PCDHA1: variants seen among roughly 807,000 people sequenced by gnomAD.
PCDHA1 encodes the protein protocadherin alpha 1.
A neutral mutation model predicts 61.3 loss-of-function variants in PCDHA1; 42 were observed. That is an observed-to-expected ratio of 0.69 (90% CI 0.54 to 0.89). The LOEUF (loss-of-function observed/expected upper bound fraction) is 0.89. Ranked by LOEUF, PCDHA1 falls within the 40% of genes least tolerant of loss-of-function variation. The pLI is 0.00. For synonymous variants in PCDHA1, 610 were observed against 553.8 expected, an observed-to-expected ratio of 1.10 and a Z score of -1.43; for missense variants, 1,256 against 1,235.3, an observed-to-expected ratio of 1.02 and a Z score of -0.25.
chr5:140,888,441 A>G (rs2061829051), intron 1 of PCDHA1, among the ~76,000 whole-genome samples: 1 of 152,222 alleles, frequency 6.6e-6, no homozygotes, highest in African/African-American at 2.4e-5. Context: ...CAGCCGCCCA[A>G]CAATAAAGAA....
chr5:140,801,666 G>C (rs1554121620), intron 1 of PCDHA1: 5 of 1,614,032 alleles, frequency 3.1e-6, no homozygotes, highest in Non-Finnish European at 4.2e-6. Context: ...GCTAGAGGGC[G>C]CATCAGATGC....
At chr5:140,842,541 T>A in intron 1 of PCDHA1, 1 of 1,609,746 alleles carries the variant, frequency 6.2e-7, no homozygotes. Context: ...TACTACTCGT[T>A]GGTGCTGGAC....
chr5:140,874,093 TG>T, intron 1 of PCDHA1, among the ~76,000 whole-genome samples: 2 of 152,364 alleles, frequency 1.3e-5, no homozygotes, highest in Middle Eastern at 6.8e-3. Context: ...AATTCAAATA[TG>T]TTTTTAATTA....
At chr5:140,966,808 A>G (rs782040625) in intron 1 of PCDHA1, 5 of 1,548,024 alleles carry the variant, frequency 3.2e-6, no homozygotes, top group Non-Finnish European at 4.3e-6. Context: ...CAGAGCATCC[A>G]CGGCTCCGGC....
chr5:140,999,332 T>TTATAA (rs1554256746), intron 3 of PCDHA1, among the ~76,000 whole-genome samples: 1 of 152,222 alleles, frequency 6.6e-6, no homozygotes, highest in Non-Finnish European at 1.5e-5. Flanking sequence ...TCTGTGTGAT[T>TTATAA]TATAAGCCTT....
In PCDHA1 at chr5:140,850,552, C is replaced by A. The variant is rs112046100; in HGVS notation, c.2394+61868C>A. On this transcript the variant is annotated intron_variant, in intron 1 of 3. Coordinates refer to ENST00000504120, the MANE Select transcript of PCDHA1 (RefSeq NM_018900.4). ...TCATCGTCGCGGGCGTCAGTGGGTG[C>A]CACGGGCCCCGAGGTGACGCTGGTG... is the stretch of plus-strand genomic sequence containing the variant. 1,841 of 1,598,232 alleles carry A rather than the reference C, an allele frequency of 1.2e-3. 121 individuals carry two copies. The African/African-American group carries it at 0.021, about 18-fold the overall frequency.
intron 1 of PCDHA1, chr5:140,788,886 T>C (rs1354187142): frequency 7.7e-6 from 10 of 1,295,708 alleles, no homozygotes; most frequent in Non-Finnish European, 1.0e-5. Context: ...AGGGACAAAT[T>C]GTCGTATTTC....
intron 1 of PCDHA1, among the ~76,000 whole-genome samples, chr5:140,941,259 T>TTCTTTCTTTC (rs1554214226): frequency 2.6e-4 from 32 of 121,828 alleles, no homozygotes; most frequent in African/African-American, 6.8e-4. Flanking sequence ...TTCTTTCTCT[T>TTCTTTCTTTC]TCTTTCTTTC....
At chr5:140,876,164 C>G in intron 1 of PCDHA1, 5 of 1,613,950 alleles carry the variant, frequency 3.1e-6, no homozygotes, top group Non-Finnish European at 4.2e-6. Context: ...ATTCAAATAA[C>G]CGTCCTGGAT....
chr5:140,861,234 C>T (rs868927537), intron 1 of PCDHA1: 7 of 166,456 alleles, frequency 4.2e-5, no homozygotes, highest in Middle Eastern at 2.9e-3. Context: ...ATTTTAGCTG[C>T]TAGACAAAGT....
At chr5:140,913,734 A>C (rs1408251545) in intron 1 of PCDHA1, among the ~76,000 whole-genome samples, 1 of 152,070 alleles carries the variant, frequency 6.6e-6, no homozygotes, top group African/African-American at 2.4e-5. Context: ...TCCCTCTAAT[A>C]GTACTCCTTT....
chr5:140,836,677 C>T, intron 1 of PCDHA1: 1 of 1,613,398 alleles, frequency 6.2e-7, no homozygotes, highest in East Asian at 2.2e-5. Context: ...GAGGGCCCAC[C>T]CAAGACAGAC....
At chr5:140,847,308 C>T (rs1295740719) in intron 1 of PCDHA1, among the ~76,000 whole-genome samples, 2 of 149,754 alleles carry the variant, frequency 1.3e-5, no homozygotes, top group Admixed American at 6.7e-5. Context: ...CTGCAGTAAT[C>T]AAGGACAGAA....
chr5:140,928,569 GCCCAGAAATGGTTCTGT>G, intron 1 of PCDHA1: 1 of 1,614,202 alleles, frequency 6.2e-7, no homozygotes, highest in Non-Finnish European at 8.5e-7. Flanking sequence ...TGTTTCCCTT[GCCCAGAAATGGTTCTGT>G]CCCAGTGGAA....
intron 1 of PCDHA1, chr5:140,876,199 G>A (rs1343468592): frequency 6.2e-7 from 1 of 1,613,822 alleles, no homozygotes; most frequent in African/African-American, 1.3e-5. Context: ...TCCGGCGTTT[G>A]ATAAGCCCAG....
intron 1 of PCDHA1, chr5:140,926,929 G>A (rs1554203825): frequency 6.3e-7 from 1 of 1,575,722 alleles, no homozygotes; most frequent in South Asian, 1.2e-5. Flanking sequence ...ATGTTTGTGG[G>A]TTTCCTGCGG....
intron 1 of PCDHA1, among the ~76,000 whole-genome samples, chr5:140,908,155 G>T (rs559304647): frequency 2.0e-5 from 3 of 152,194 alleles, no homozygotes; most frequent in African/African-American, 4.8e-5. Flanking sequence ...TCCTAGGAAG[G>T]GGCTGTAGTG....
At chr5:140,847,318 A>G (rs1054415960) in intron 1 of PCDHA1, 1 of 149,914 alleles carries the variant, frequency 6.7e-6, no homozygotes, top group Admixed American at 6.7e-5. Context: ...CAAGGACAGA[A>G]GCAATTGTTA....
In PCDHA1 at chr5:140,968,471, G is replaced by A. The variant is rs531821868; in HGVS notation, c.2395-10478G>A. On this transcript the variant is annotated intron_variant, in intron 1 of 3. Coordinates refer to ENST00000504120, the MANE Select transcript of PCDHA1 (RefSeq NM_018900.4). ...CAGCACTGTGACTGCCAACGTATAT[G>A]TGGTGGACATGAATGACCATGCCCC... 3.3e-5 allele frequency: 54 copies of A among 1,614,154 alleles called. No homozygotes were observed. The South Asian group carries it at 5.7e-4, about 17-fold the overall frequency.
Sources: gnomAD v4.1 joint callset for allele counts (sites outside exome capture counted in the v4.1 genomes callset) on GRCh38, gnomAD v4.1.1 for gene constraint, MANE v1.5 for transcripts, NCBI Gene and HGNC (gene_info 2026-07-23, HGNC 2026-07-21) for gene names.